The following SLC39A8 variants were observed in gnomAD, a reference collection of about 807,000 sequenced individuals.
The protein encoded by SLC39A8 is metal cation symporter ZIP8.
Under a neutral mutation model 40.4 loss-of-function variants are expected in SLC39A8, and 15 were observed. That is an observed-to-expected ratio of 0.37 (90% CI 0.25 to 0.57). SLC39A8 has a LOEUF of 0.57. Ranked by LOEUF, SLC39A8 falls within the 20% of genes least tolerant of loss-of-function variation. SLC39A8 has a pLI of 0.75. For missense variants in SLC39A8, 472 were observed against 558.8 expected (o/e 0.84, Z 1.57); for synonymous variants, 223 against 221.6 (o/e 1.01, Z -0.06).
chr4:102,261,467 A>C (rs1196721540), downstream of SLC39A8, among the ~76,000 whole-genome samples: 1 of 152,216 alleles, frequency 6.6e-6, no homozygotes, highest in African/African-American at 2.4e-5. Context: ...AGATCATCAT[A>C]ATACTATTCA....
chr4:102,276,935 A>G (rs1732644287), intron 6 of SLC39A8, among the ~76,000 whole-genome samples: 1 of 152,198 alleles, frequency 6.6e-6, no homozygotes, highest in African/African-American at 2.4e-5. Context: ...ATAAAATTCA[A>G]CACCCTTTCA....
At chr4:102,325,091 A>G (rs1209236408) in intron 2 of SLC39A8, among the ~76,000 whole-genome samples, 1 of 152,030 alleles carries the variant, frequency 6.6e-6, no homozygotes, top group East Asian at 1.9e-4. Flanking sequence ...ATACATATAT[A>G]TATGTATACA....
At chr4:102,293,967 A>C (rs1373736502) in intron 6 of SLC39A8, among the ~76,000 whole-genome samples, 5 of 151,842 alleles carry the variant, frequency 3.3e-5, no homozygotes, top group Non-Finnish European at 7.4e-5. Context: ...CAGATACATT[A>C]ATACATACAA....
chr4:102,333,343 G>C (rs760573922), intron 2 of SLC39A8, among the ~76,000 whole-genome samples: 2 of 152,104 alleles, frequency 1.3e-5, no homozygotes, highest in Non-Finnish European at 2.9e-5. Flanking sequence ...CATATTATCT[G>C]ATTTCATCTC....
At chr4:102,310,550 T>C (rs1288446272) in intron 3 of SLC39A8, among the ~76,000 whole-genome samples, 1 of 152,122 alleles carries the variant, frequency 6.6e-6, no homozygotes, top group African/African-American at 2.4e-5. Flanking sequence ...TATCCAACTT[T>C]CTAACTTTCT....
intron 3 of SLC39A8, among the ~76,000 whole-genome samples, chr4:102,309,180 G>T (rs971257664): frequency 6.6e-6 from 1 of 151,910 alleles, no homozygotes; most frequent in African/African-American, 2.4e-5. Context: ...TGTTCATTCA[G>T]CCTAGATGAC....
chr4:102,298,683 G>A (rs1011592678), intron 6 of SLC39A8, among the ~76,000 whole-genome samples: 14 of 151,934 alleles, frequency 9.2e-5, no homozygotes, highest in African/African-American at 2.7e-4. Flanking sequence ...CCTTATAAAG[G>A]AATAAAGACA....
chr4:102,252,982 A>G (rs1167185121), exon 12 of SLC39A8: 1 of 150,336 alleles, frequency 6.7e-6, no homozygotes, highest in African/African-American at 2.5e-5. Flanking sequence ...TCATCTTTAC[A>G]TGGTGTAGCT....
chr4:102,251,497 C>G (rs1389199505), exon 12 of SLC39A8: 1 of 152,166 alleles, frequency 6.6e-6, no homozygotes. Flanking sequence ...AAAACTCGAC[C>G]TCTGTCCTCT....
intron 2 of SLC39A8, among the ~76,000 whole-genome samples, chr4:102,337,457 A>C (rs1735723362): frequency 2.0e-5 from 3 of 152,116 alleles, no homozygotes; most frequent in Admixed American, 6.6e-5. Flanking sequence ...AGAGAGAAAG[A>C]TCTATCCCAA....
chr4:102,280,643 A>G (rs1732830572), intron 6 of SLC39A8, among the ~76,000 whole-genome samples: 1 of 152,326 alleles, frequency 6.6e-6, no homozygotes, highest in African/African-American at 2.4e-5. Context: ...GCTTCACATG[A>G]GAAAAGAGAA....
rs561802065 is a variant in SLC39A8 at position 102,316,648 on chromosome 4, C to T, written c.220-818G>A. ...TTATAGTGTGAAAAATATCCATTCA[C>T]TCAAATGGAAGAGTCTGTCTTTAAT... On this transcript the variant is annotated intron_variant, in intron 2 of 8. Coordinates refer to ENST00000356736, the MANE Select transcript of SLC39A8 (RefSeq NM_001135146.2). Among the ~76,000 whole-genome samples the T allele has an allele frequency of 7.2e-5, 11 of 152,246 alleles. No homozygotes were observed. The South Asian group carries it at 2.3e-3, about 32-fold the overall frequency.
chr4:102,295,068 A>G (rs1560543487), intron 6 of SLC39A8, among the ~76,000 whole-genome samples: 1 of 149,954 alleles, frequency 6.7e-6, no homozygotes, highest in South Asian at 2.1e-4. Context: ...TCCATGACCC[A>G]TTTTTACACA....
Position 102,315,789 on chromosome 4 carries a change from T to C in SLC39A8, c.261A>G (p.Ser87=). 1 of 1,612,980 alleles carries C rather than the reference T, an allele frequency of 6.2e-7. No homozygotes were observed. The highest frequency in any genetic ancestry group is 8.5e-7 in the Non-Finnish European group (1 of 1,179,452). ...TGGAGCTGGTTATTTGGGTAGCATT[T>C]GAAAAGCCATGAAGGGAAAAGATCT... ...AEEIFSLHGF[S]NATQITSSKF... is the part of the protein sequence containing the mutation. Residue 87 remains serine, a synonymous_variant, in exon 3 of 9, where the codon TCA becomes TCG. Transcript: ENST00000356736.
chr4:102,303,093 T>C (rs1733989380), intron 6 of SLC39A8, among the ~76,000 whole-genome samples: 1 of 151,864 alleles, frequency 6.6e-6, no homozygotes, highest in Non-Finnish European at 1.5e-5. Flanking sequence ...TTTTTTTTGC[T>C]TTTTTTCCCC....
At chr4:102,325,133 T>G (rs1735141463) in intron 2 of SLC39A8, among the ~76,000 whole-genome samples, 1 of 152,114 alleles carries the variant, frequency 6.6e-6, no homozygotes. Flanking sequence ...TCTCTCCACC[T>G]TCTCTTGAAG....
At chr4:102,280,956 T>C (rs1428209746) in intron 6 of SLC39A8, among the ~76,000 whole-genome samples, 2 of 151,834 alleles carry the variant, frequency 1.3e-5, no homozygotes, top group African/African-American at 4.8e-5. Context: ...ACCTGAGAGG[T>C]TTTCAAGAAA....
chr4:102,325,899 T>C (rs566291758), intron 2 of SLC39A8, among the ~76,000 whole-genome samples: 5 of 152,332 alleles, frequency 3.3e-5, no homozygotes, highest in African/African-American at 1.2e-4. Context: ...GTTTACAACA[T>C]TTTCTGTCTT....
At chr4:102,281,651 G>A (rs949105828) in intron 6 of SLC39A8, among the ~76,000 whole-genome samples, 10 of 152,088 alleles carry the variant, frequency 6.6e-5, no homozygotes, top group Admixed American at 6.5e-4. Context: ...ATAAGGAATA[G>A]GCAAGGTGCC....
Sources: gnomAD v4.1 joint callset for allele counts (sites outside exome capture counted in the v4.1 genomes callset) on GRCh38, gnomAD v4.1.1 for gene constraint, MANE v1.5 for transcripts, NCBI Gene and HGNC (gene_info 2026-07-23, HGNC 2026-07-21) for gene names.